OPCML: variants seen among roughly 807,000 people sequenced by gnomAD.
OPCML encodes the protein opioid-binding protein/cell adhesion molecule.
Under a neutral mutation model 37.8 loss-of-function variants are expected in OPCML, and 13 were observed. That is an observed-to-expected ratio of 0.34 (90% CI 0.22 to 0.55). OPCML has a LOEUF of 0.55. Ranked by LOEUF, OPCML falls within the 20% of genes least tolerant of loss-of-function variation. The pLI is 0.91. For synonymous variants in OPCML, 176 were observed against 168.8 expected (o/e 1.04, Z -0.33); for missense variants, 341 against 435.6 (o/e 0.78, Z 1.93).
intron 1 of OPCML, among the ~76,000 whole-genome samples, chr11:133,224,407 G>T (rs1461874283): frequency 6.6e-6 from 1 of 152,182 alleles, no homozygotes. Flanking sequence ...GCAGCTGGTG[G>T]GCTTGTTCCG....
At chr11:132,581,804 G>A (rs929386637) in intron 3 of OPCML, among the ~76,000 whole-genome samples, 16 of 151,988 alleles carry the variant, frequency 1.1e-4, no homozygotes, top group Non-Finnish European at 2.1e-4. Flanking sequence ...TGAGGTCTGG[G>A]GTTGCTCCTG....
intron 1 of OPCML, among the ~76,000 whole-genome samples, chr11:133,176,956 G>T (rs960272129): frequency 6.6e-6 from 1 of 152,150 alleles, no homozygotes; most frequent in Non-Finnish European, 1.5e-5. Context: ...CAGCCATGAG[G>T]CTGTCTTCAC....
intron 1 of OPCML, among the ~76,000 whole-genome samples, chr11:133,012,870 CAAA>C (rs11456619): frequency 2.6e-5 from 3 of 113,230 alleles, no homozygotes; most frequent in Non-Finnish European, 3.7e-5. Flanking sequence ...AACTCCATCT[CAAA>C]AAAAAAAAAA....
At chr11:133,465,497 T>C (rs762867800) in intron 1 of OPCML, among the ~76,000 whole-genome samples, 12 of 152,212 alleles carry the variant, frequency 7.9e-5, no homozygotes, top group Non-Finnish European at 1.8e-4. Flanking sequence ...TTTCCGAGTA[T>C]CTGAGCATCA....
At chr11:133,033,958 T>C (rs1947719791) in intron 1 of OPCML, among the ~76,000 whole-genome samples, 1 of 152,180 alleles carries the variant, frequency 6.6e-6, no homozygotes. Context: ...GATGGCCAAA[T>C]CCATTTGTCT....
intron 3 of OPCML, among the ~76,000 whole-genome samples, chr11:132,594,182 T>C (rs2096488963): frequency 6.6e-6 from 1 of 152,206 alleles, no homozygotes; most frequent in Non-Finnish European, 1.5e-5. Context: ...CTGAAGATTC[T>C]TTACCCTTGA....
chr11:133,243,160 A>G (rs1940793273), intron 1 of OPCML, among the ~76,000 whole-genome samples: 1 of 152,200 alleles, frequency 6.6e-6, no homozygotes. Flanking sequence ...GGCAAACAAG[A>G]TATTCTTGAG....
At chr11:133,167,985 G>T (rs1446649910) in intron 1 of OPCML, among the ~76,000 whole-genome samples, 1 of 152,090 alleles carries the variant, frequency 6.6e-6, no homozygotes, top group African/African-American at 2.4e-5. Context: ...AGGGTGTTAG[G>T]TTCATTTATC....
chr11:132,650,477 AAGTCCT>A (rs1941375182), intron 3 of OPCML, among the ~76,000 whole-genome samples: 1 of 152,142 alleles, frequency 6.6e-6, no homozygotes, highest in African/African-American at 2.4e-5. Context: ...ACGCCCAGAA[AAGTCCT>A]TAACCTAATT....
intron 1 of OPCML, among the ~76,000 whole-genome samples, chr11:133,505,724 G>A (rs1161064882): frequency 6.6e-6 from 1 of 152,194 alleles, no homozygotes; most frequent in East Asian, 1.9e-4. Context: ...AAAAGGAAGA[G>A]AACAAAGTTT....
intron 1 of OPCML, among the ~76,000 whole-genome samples, chr11:133,215,656 A>C (rs940676236): frequency 6.6e-6 from 1 of 152,152 alleles, no homozygotes; most frequent in African/African-American, 2.4e-5. Flanking sequence ...CCTTGTTGGC[A>C]GGGGCAGAAT....
intron 2 of OPCML, among the ~76,000 whole-genome samples, chr11:132,858,426 G>T (rs901203442): frequency 6.6e-6 from 1 of 152,200 alleles, no homozygotes; most frequent in Non-Finnish European, 1.5e-5. Context: ...TGCTCTGCCT[G>T]CAAGAAGCAC....
intron 1 of OPCML, among the ~76,000 whole-genome samples, chr11:133,483,795 T>TGATAGATA (rs61121084): frequency 0.19 from 24,747 of 132,190 alleles, 2,339 homozygotes; most frequent in South Asian, 0.25. Flanking sequence ...GATACATAGA[T>TGATAGATA]GATAGATAGA....
chr11:133,076,396 A>G (rs1948621361), intron 1 of OPCML, among the ~76,000 whole-genome samples: 2 of 152,108 alleles, frequency 1.3e-5, no homozygotes, highest in African/African-American at 4.8e-5. Context: ...TCCATTCTGC[A>G]CTGGTTCACT....
Position 132,529,195 on chromosome 11 carries a change from A to G in OPCML, c.380-9T>C. ...CATGATCTGAGGAGGAACTGTAAGG[A>G]AACAGGATAGAAGAAATACCTGAGA... On this transcript the variant is annotated splice_polypyrimidine_tract_variant and intron_variant, in intron 3 of 7. Coordinates refer to ENST00000524381, the MANE Select transcript of OPCML (RefSeq NM_001012393.5). The G allele has an allele frequency of 2.5e-6, 4 of 1,606,066 alleles. No homozygotes were observed. The highest frequency in any genetic ancestry group is 3.4e-6 in the Non-Finnish European group (4 of 1,175,970).
intron 2 of OPCML, among the ~76,000 whole-genome samples, chr11:132,675,645 G>A (rs552679954): frequency 1.4e-3 from 219 of 152,150 alleles, no homozygotes; most frequent in African/African-American, 4.8e-3. Flanking sequence ...CTATACATTA[G>A]CAATGAAAAA....
intron 1 of OPCML, among the ~76,000 whole-genome samples, chr11:133,312,907 C>T (rs963623123): frequency 3.9e-5 from 6 of 152,150 alleles, no homozygotes; most frequent in Admixed American, 1.3e-4. Flanking sequence ...AAAGGATAGG[C>T]GGTATATTAA....
At chr11:132,745,033 C>T (rs1197151392) in intron 2 of OPCML, among the ~76,000 whole-genome samples, 3 of 152,032 alleles carry the variant, frequency 2.0e-5, no homozygotes, top group Non-Finnish European at 1.5e-5. Flanking sequence ...AAATGTCTTT[C>T]GGCAGGCTCA....
At chr11:132,990,507 C>T (rs531730484) in intron 1 of OPCML, among the ~76,000 whole-genome samples, 4 of 152,298 alleles carry the variant, frequency 2.6e-5, no homozygotes, top group Admixed American at 2.6e-4. Context: ...GAAAGGTAGG[C>T]ATTCTATTTT....
Sources: gnomAD v4.1 joint callset for allele counts (sites outside exome capture counted in the v4.1 genomes callset) on GRCh38, gnomAD v4.1.1 for gene constraint, MANE v1.5 for transcripts, NCBI Gene and HGNC (gene_info 2026-07-23, HGNC 2026-07-21) for gene names.